The following FNIP2 variants were observed in gnomAD, a reference collection of about 807,000 sequenced individuals.
FNIP2 encodes folliculin interacting protein 2.
A neutral mutation model predicts 108.7 loss-of-function variants in FNIP2; 32 were observed. The observed-to-expected ratio is 0.29, with a 90% CI of 0.22 to 0.40. The LOEUF is 0.40. Among genes scored for constraint, FNIP2 ranks in the 10% least tolerant of loss-of-function variants. FNIP2 has a pLI of 1.00. For synonymous variants in FNIP2, 480 were observed against 496.7 expected (o/e 0.97, Z 0.45); for missense variants, 1,202 against 1,381.6 (o/e 0.87, Z 2.06).
chr4:158,869,770 C>G (rs1296467182), intron 13 of FNIP2, among the ~76,000 whole-genome samples: 1 of 152,200 alleles, frequency 6.6e-6, no homozygotes, highest in Non-Finnish European at 1.5e-5. Context: ...AGGTCCGTGG[C>G]TGGCAGCAGA....
rs540177608 is a variant in FNIP2 at position 158,780,242 on chromosome 4, A to G, written c.107+10923A>G. Among the ~76,000 whole-genome samples, 5 of 152,148 alleles carry G rather than the reference A, an allele frequency of 3.3e-5. No individual in the cohort carries two copies. In the South Asian group the frequency reaches 1.0e-3, roughly 32 times the overall value. On this transcript the variant is annotated intron_variant, in intron 1 of 16. Coordinates refer to ENST00000264433, the MANE Select transcript of FNIP2 (RefSeq NM_020840.3). The stretch of plus-strand genomic sequence containing the variant: ...AAAAGGAAAACTATAAAATTCTATT[A>G]TAATACAAATAGCCACTTATTTATG...
intron 8 of FNIP2, among the ~76,000 whole-genome samples, chr4:158,854,895 T>C (rs1022693033): frequency 3.3e-5 from 5 of 152,280 alleles, no homozygotes; most frequent in Admixed American, 3.3e-4. Flanking sequence ...TCAGGCAAGG[T>C]AGGTCAGAGA....
In FNIP2 at chr4:158,784,095, G is replaced by A. The variant is rs1195194017; in HGVS notation, c.107+14776G>A. Among the ~76,000 whole-genome samples the A allele has an allele frequency of 2.0e-5, 3 of 152,146 alleles. 1 individual carries two copies. Among genetic ancestry groups the A allele is most frequent in the Non-Finnish European group, 4.4e-5 (3 of 68,034 alleles). On this transcript the variant is annotated intron_variant, in intron 1 of 16. Transcript: ENST00000264433. ...ATAGGGAAGTTACAAGGAGAAGTTG[G>A]TTTTGTACATGTTGAATTTAAGGTG...
intron 7 of FNIP2, among the ~76,000 whole-genome samples, chr4:158,849,022 A>T (rs970148013): frequency 3.3e-5 from 5 of 152,174 alleles, no homozygotes; most frequent in African/African-American, 4.8e-5. Flanking sequence ...GCAAGGGCCC[A>T]TCCTGATTCT....
chr4:158,901,174 C>G (rs1045065393), intron 16 of FNIP2, among the ~76,000 whole-genome samples: 2 of 138,364 alleles, frequency 1.4e-5, no homozygotes, highest in African/African-American at 5.7e-5. Flanking sequence ...GCTCTGTTGC[C>G]CAGGCTGGAG....
chr4:158,772,972 C>T (rs190949122), intron 1 of FNIP2, among the ~76,000 whole-genome samples: 8 of 151,994 alleles, frequency 5.3e-5, no homozygotes, highest in Non-Finnish European at 8.8e-5. Flanking sequence ...GACTAAGGGC[C>T]GGATTGTGAT....
intron 14 of FNIP2, among the ~76,000 whole-genome samples, chr4:158,878,118 A>C (rs1781386936): frequency 6.6e-6 from 1 of 152,222 alleles, no homozygotes; most frequent in South Asian, 2.1e-4. Context: ...TCATGAAAAA[A>C]AATGGAAATC....
intron 1 of FNIP2, among the ~76,000 whole-genome samples, chr4:158,825,215 C>A (rs1778089572): frequency 6.6e-6 from 1 of 152,194 alleles, no homozygotes; most frequent in African/African-American, 2.4e-5. Context: ...ATTATCTTTT[C>A]TGTAGTTCCC....
At chr4:158,834,465 A>G (rs866044195) in intron 6 of FNIP2, 1 of 152,230 alleles carries the variant, frequency 6.6e-6, no homozygotes, top group Non-Finnish European at 1.5e-5. Flanking sequence ...AGTTGTGAGT[A>G]TAGCAAATGG....
At chr4:158,869,566 T>A in intron 13 of FNIP2, 138 bp downstream of exon 13, 3 of 1,221,864 alleles carry the variant, frequency 2.5e-6, no homozygotes, top group Non-Finnish European at 3.3e-6. Flanking sequence ...ACTAGAAGTA[T>A]TATTAATTCT....
intron 10 of FNIP2, among the ~76,000 whole-genome samples, chr4:158,861,083 C>T (rs956664498): frequency 5.3e-5 from 8 of 152,184 alleles, no homozygotes; most frequent in African/African-American, 1.9e-4. Context: ...TAGCCGTTGT[C>T]CCACAGAAGC....
At chr4:158,780,102 TG>T (rs1415334735) in intron 1 of FNIP2, among the ~76,000 whole-genome samples, 2 of 151,744 alleles carry the variant, frequency 1.3e-5, no homozygotes, top group Admixed American at 1.3e-4. Context: ...TAGCTACTTG[TG>T]GGTCTGAGGT....
chr4:158,803,140 T>C lies in FNIP2; in HGVS notation c.108-22776T>C, dbSNP rs548471268. 2.3e-4 allele frequency among the ~76,000 whole-genome samples: 35 copies of C among 152,248 alleles called. 2 individuals are homozygous for C. In the South Asian group the frequency reaches 7.0e-3, roughly 31 times the overall value. ...TTGAACCGCATGTGGAATGTGGGAG[T>C]CTAGTCAGTGATTGCAGACACTTTT... On this transcript the variant is annotated intron_variant, in intron 1 of 16. Transcript: ENST00000264433.
chr4:158,853,609 G>C (rs1166406941), intron 8 of FNIP2, among the ~76,000 whole-genome samples: 1 of 152,192 alleles, frequency 6.6e-6, no homozygotes, highest in African/African-American at 2.4e-5. Flanking sequence ...GCCCACCTAT[G>C]AGTGAGAACA....
intron 16 of FNIP2, among the ~76,000 whole-genome samples, chr4:158,896,821 A>C (rs1579001124): frequency 6.9e-6 from 1 of 145,608 alleles, no homozygotes. Context: ...CCAGCCTCAT[A>C]CTTCAATCCT....
chr4:158,892,505 G>A (rs1279367270), intron 15 of FNIP2, among the ~76,000 whole-genome samples: 1 of 152,142 alleles, frequency 6.6e-6, no homozygotes, highest in African/African-American at 2.4e-5. Context: ...TAACATGCAT[G>A]ACAAAATCTT....
chr4:158,882,278 C>T (rs530064466), intron 14 of FNIP2, among the ~76,000 whole-genome samples: 1 of 151,762 alleles, frequency 6.6e-6, no homozygotes, highest in African/African-American at 2.4e-5. Context: ...GCAGCCACCC[C>T]GTCTGGGAAG....
chr4:158,872,633 T>A, intron 14 of FNIP2: 3 of 985,008 alleles, frequency 3.0e-6, no homozygotes, highest in South Asian at 4.7e-5. Flanking sequence ...TATATCCAAT[T>A]AGCATTAGTG....
At chr4:158,904,082 T>C (rs1729606559) in intron 16 of FNIP2, among the ~76,000 whole-genome samples, 1 of 152,226 alleles carries the variant, frequency 6.6e-6, no homozygotes, top group Non-Finnish European at 1.5e-5. Flanking sequence ...AAAATCAGTA[T>C]GCATTTAGAA....
Sources: allele counts gnomAD v4.1 joint callset (sites outside exome capture counted in the v4.1 genomes callset), GRCh38; gene constraint gnomAD v4.1.1; transcripts MANE v1.5; gene names NCBI Gene and HGNC (gene_info 2026-07-23, HGNC 2026-07-21).